Variants in ITGAE observed in about 807,000 individuals in gnomAD.
ITGAE encodes the protein integrin alpha-E.
ITGAE carries 99 observed loss-of-function variants against 136.5 expected under a neutral mutation model. The ratio of observed to expected loss-of-function variants is 0.73; its 90% CI spans 0.62 to 0.86. The LOEUF (loss-of-function observed/expected upper bound fraction) is 0.86, where lower values mean the gene tolerates loss of function less well. ITGAE is among the 40% of genes least tolerant of loss of function. The probability of loss-of-function intolerance (pLI) is 0.00; values close to 1 mark genes in which losing one functional copy is unlikely to be tolerated. For synonymous variants in ITGAE, 613 were observed against 591.8 expected, an observed-to-expected ratio of 1.04 and a Z score of -0.52; for missense variants, 1,447 against 1,515.3, an observed-to-expected ratio of 0.95 and a Z score of 0.75.
intron 1 of ITGAE, among the ~76,000 whole-genome samples, chr17:3,784,741 T>C (rs572581866): frequency 6.6e-6 from 1 of 152,308 alleles, no homozygotes; most frequent in East Asian, 1.9e-4. Context: ...ATTGACCATA[T>C]GCTAGATCAC....
rs531580890 is a variant in ITGAE, at chr17:3,750,418, A to G, written c.1958T>C (p.Phe653Ser). Reference sequence around the variant, plus strand: ...GGCAAGGCCGTCGCCACTAATATCAAAGCCACCAGCCATGGACATGCCGAA... The same window carrying G: ...GGCAAGGCCGTCGCCACTAATATCAGAGCCACCAGCCATGGACATGCCGAA... ...QYFGMSMAGG[F>S]DISGDGLADI... The change falls in exon 16 of 31, where the codon TTT becomes TCT. Residue 653 changes from phenylalanine (F) to serine (S), a missense_variant. This residue lies in a region of ITGAE where 1,031 missense variants were observed against 1,011.4 expected (regional missense o/e 1.02). Coordinates refer to ENST00000263087, the MANE Select transcript of ITGAE (RefSeq NM_002208.5). The G allele has an allele frequency of 3.7e-6, 6 of 1,614,208 alleles. No homozygotes were observed. In the East Asian group the frequency reaches 1.1e-4, roughly 30 times the overall value.
At chr17:3,775,605 G>A (rs989859164) in intron 2 of ITGAE, among the ~76,000 whole-genome samples, 3 of 149,106 alleles carry the variant, frequency 2.0e-5, no homozygotes, top group Non-Finnish European at 4.4e-5. Context: ...GATTACAGGC[G>A]CCCGCCACCA....
In ITGAE at chr17:3,773,202, A is replaced by C. The variant is rs191752670; in HGVS notation, c.155+4338T>G. 1.8e-3 allele frequency among the ~76,000 whole-genome samples: 281 copies of C among 152,216 alleles called. 2 individuals carry two copies. Among genetic ancestry groups the C allele is most frequent in the Admixed American group, 3.7e-3 (56 of 15,272 alleles). ...GACATTTACTGGTTTATTATAAAGG[A>C]TATTACAGGCCAGGTGCCTTGGCTC... On this transcript the variant is annotated intron_variant, in intron 2 of 30. Coordinates refer to ENST00000263087, the MANE Select transcript of ITGAE (RefSeq NM_002208.5).
At chr17:3,762,058 A>AC (rs777024204) in intron 3 of ITGAE, 76 bp from the exon 4 acceptor site, 16 of 1,269,748 alleles carry the variant, frequency 1.3e-5, no homozygotes, top group African/African-American at 2.9e-5. Context: ...GTCAGAGGGC[A>AC]CAGAGCCACC....
intron 2 of ITGAE, 57 bp downstream of exon 2, chr17:3,777,476 GCCCATCT>G: frequency 6.5e-7 from 1 of 1,541,890 alleles, no homozygotes; most frequent in Admixed American, 2.0e-5. Flanking sequence ...CGTCTCTGGG[GCCCATCT>G]CAGATTGCCT....
intron 22 of ITGAE, among the ~76,000 whole-genome samples, chr17:3,731,904 C>A (rs2051352172): frequency 6.6e-6 from 1 of 151,756 alleles, no homozygotes; most frequent in African/African-American, 2.4e-5. Flanking sequence ...GAAACCCCAT[C>A]TCTACCAAAA....
chr17:3,720,177 G>A, intron 29 of ITGAE, 130 bp downstream of exon 29: 1 of 585,596 alleles, frequency 1.7e-6, no homozygotes, highest in Non-Finnish European at 3.1e-6. Context: ...CACAAAGGCA[G>A]CGATGGCAGA....
intron 20 of ITGAE, 63 bp from the exon 21 acceptor site, chr17:3,735,012 C>A: frequency 6.4e-7 from 1 of 1,573,772 alleles, no homozygotes; most frequent in Non-Finnish European, 8.7e-7. Flanking sequence ...CAACGCAATA[C>A]AATAGGACAT....
chr17:3,768,268 AT>A (rs2052345403), intron 2 of ITGAE, among the ~76,000 whole-genome samples: 1 of 152,088 alleles, frequency 6.6e-6, no homozygotes, highest in African/African-American at 2.4e-5. Flanking sequence ...GGGACCACAG[AT>A]GCGTGCCATC....
chr17:3,726,258 C>T (rs1365070585), intron 26 of ITGAE: 8 of 1,614,032 alleles, frequency 5.0e-6, no homozygotes, highest in African/African-American at 2.7e-5. Context: ...GAGAAAAATC[C>T]AGGAGTTCCA....
intron 19 of ITGAE, 98 bp downstream of exon 19, chr17:3,743,391 T>C: frequency 2.2e-6 from 3 of 1,382,838 alleles, no homozygotes; most frequent in Middle Eastern, 3.7e-4. Flanking sequence ...CTGAAGACAT[T>C]GCCTCCCAAC....
intron 27 of ITGAE, 82 bp downstream of exon 27, chr17:3,723,606 C>A: frequency 7.1e-7 from 1 of 1,403,142 alleles, no homozygotes; most frequent in Non-Finnish European, 9.6e-7. Flanking sequence ...AGGGGTAACC[C>A]AGGAAAAACA....
At chr17:3,723,972 T>C in intron 26 of ITGAE, 1 of 1,577,542 alleles carries the variant, frequency 6.3e-7, no homozygotes, top group Non-Finnish European at 8.6e-7. Context: ...GAGCCGGCTT[T>C]TCCGCACATA....
chr17:3,762,886 A>C (rs2052209894), intron 3 of ITGAE, among the ~76,000 whole-genome samples: 1 of 146,240 alleles, frequency 6.8e-6, no homozygotes, highest in Non-Finnish European at 1.5e-5. Flanking sequence ...GGCATGAGCC[A>C]CCGTGCCTGG....
At chr17:3,785,963 C>A (rs895993789) in intron 1 of ITGAE, among the ~76,000 whole-genome samples, 1 of 151,694 alleles carries the variant, frequency 6.6e-6, no homozygotes. Context: ...GCCAGGAGAT[C>A]GAGACCGTCC....
At chr17:3,770,651 G>A (rs1372590131) in intron 2 of ITGAE, among the ~76,000 whole-genome samples, 3 of 152,164 alleles carry the variant, frequency 2.0e-5, no homozygotes, top group Non-Finnish European at 2.9e-5. Flanking sequence ...GTGGTCTCAG[G>A]CCCCACTCTC....
intron 2 of ITGAE, among the ~76,000 whole-genome samples, chr17:3,770,174 C>T (rs1274948145): frequency 2.0e-5 from 3 of 148,960 alleles, no homozygotes; most frequent in Non-Finnish European, 4.4e-5. Flanking sequence ...GGCTGGAGTG[C>T]AATGGCATGA....
In ITGAE at chr17:3,755,117, C is replaced by G. The variant is rs767426921; in HGVS notation, c.1384G>C (p.Gly462Arg). The stretch of plus-strand genomic sequence containing the variant: ...CCTCATCAGGTGGCCCCGCCCTCAC[C>G]CAGGTAGCTGTACTGCGCAGCCTCC... ...DAEAAQYSYLGYAVAVLHKTC... is the reference protein window; with the variant it reads ...DAEAAQYSYLRYAVAVLHKTC... Residue 462 changes from glycine (G) to arginine (R), a missense_variant and splice_region_variant, in exon 12 of 31, where the codon GGT (glycine) becomes CGT (arginine). Physicochemically the swap from Gly to Arg is moderately radical, Grantham distance 125. Coordinates refer to ENST00000263087, the MANE Select transcript of ITGAE (RefSeq NM_002208.5). The G allele has an allele frequency of 1.3e-6, 2 of 1,586,676 alleles. No individual in the cohort carries two copies. Among genetic ancestry groups the G allele is most frequent in the African/African-American group, 2.7e-5 (2 of 74,290 alleles).
intron 2 of ITGAE, among the ~76,000 whole-genome samples, chr17:3,768,147 CAG>C (rs1266181900): frequency 1.3e-5 from 2 of 151,426 alleles, no homozygotes; most frequent in Admixed American, 6.6e-5. Context: ...TTTTTTAAGA[CAG>C]AGTCTCCTTC....
Sources: gnomAD v4.1 joint callset for allele counts (sites outside exome capture counted in the v4.1 genomes callset) on GRCh38, gnomAD v4.1.1 for gene constraint, gnomAD v4.1.1 regional missense constraint, MANE v1.5 for transcripts, NCBI Gene and HGNC (gene_info 2026-07-23, HGNC 2026-07-21) for gene names.